Variants in TNIP3 observed in about 807,000 individuals in gnomAD.
TNIP3 encodes the protein TNFAIP3-interacting protein 3.
TNIP3 carries 34 observed loss-of-function variants against 54.1 expected under a neutral mutation model. That is an observed-to-expected ratio of 0.63 (90% CI 0.48 to 0.84). TNIP3 has a LOEUF of 0.84. Among genes scored for constraint, TNIP3 ranks in the 40% least tolerant of loss-of-function variants. TNIP3 has a pLI of 0.00. For synonymous variants in TNIP3, 134 were observed against 136.8 expected (o/e 0.98, Z 0.14); for missense variants, 366 against 387.6 (o/e 0.94, Z 0.47).
intron 1 of TNIP3, among the ~76,000 whole-genome samples, chr4:121,222,086 G>A (rs560312653): frequency 6.6e-6 from 1 of 152,276 alleles, no homozygotes; most frequent in South Asian, 2.1e-4. Context: ...AGCTAAGAGT[G>A]CTCCTAATAC....
Position 121,154,659 on chromosome 4 carries a change from A to G in TNIP3, c.384T>C (p.Asn128=). ...QREEKEKERL[N]EELHELKEEN... ...CTTCTTTCAATTCATGTAATTCTTC[A>G]TTTAGGCGTTCCTTTTCCTTCTGAA... is the stretch of plus-strand genomic sequence containing the variant. Residue 128 remains asparagine, a synonymous_variant, in exon 5 of 11, where the codon AAT becomes AAC. Transcript: ENST00000057513. 1 of 1,610,008 alleles carries G rather than the reference A, an allele frequency of 6.2e-7. No individual in the cohort carries two copies.
intron 3 of TNIP3, among the ~76,000 whole-genome samples, chr4:121,171,067 C>G (rs775987571): frequency 6.6e-6 from 1 of 152,122 alleles, no homozygotes; most frequent in African/African-American, 2.4e-5. Flanking sequence ...CTGCCCATCT[C>G]GGTCTCCCAA....
chr4:121,178,389 A>G (rs1724482730), intron 3 of TNIP3, among the ~76,000 whole-genome samples: 3 of 152,258 alleles, frequency 2.0e-5, no homozygotes, highest in African/African-American at 7.2e-5. Flanking sequence ...ACCCTCCGGC[A>G]AACACTGGAA....
intron 3 of TNIP3, among the ~76,000 whole-genome samples, chr4:121,172,315 G>C (rs1724016114): frequency 6.6e-6 from 1 of 152,202 alleles, no homozygotes; most frequent in Admixed American, 6.5e-5. Context: ...GTGGTTAACT[G>C]AGGGTTTGAG....
intron 6 of TNIP3, among the ~76,000 whole-genome samples, chr4:121,149,815 C>T (rs1374139034): frequency 6.6e-6 from 1 of 152,094 alleles, no homozygotes; most frequent in Non-Finnish European, 1.5e-5. Flanking sequence ...AGCCCCAGTG[C>T]TAATAGAACC....
chr4:121,201,300 C>A (rs6812515), intron 2 of TNIP3, among the ~76,000 whole-genome samples: 38,471 of 152,038 alleles, frequency 0.25, 5,183 homozygotes, highest in African/African-American at 0.34. Flanking sequence ...ACGTTCTATG[C>A]AAGATGGCGT....
chr4:121,166,440 T>A (rs975449338), upstream of TNIP3, among the ~76,000 whole-genome samples: 1 of 152,224 alleles, frequency 6.6e-6, no homozygotes, highest in Admixed American at 6.5e-5. Flanking sequence ...CCACATATTT[T>A]AAGAGTCTGG....
upstream of TNIP3, among the ~76,000 whole-genome samples, chr4:121,217,345 T>C (rs769092034): frequency 1.2e-4 from 19 of 152,184 alleles, no homozygotes; most frequent in Non-Finnish European, 2.8e-4. Flanking sequence ...TTCAAGCATT[T>C]CTGTTTAATT....
rs756288802 is a variant in TNIP3, at chr4:121,132,667, G to A, written c.947-5C>T. 6.2e-7 allele frequency: 1 copy of A among 1,608,904 alleles called. No individual in the cohort carries two copies. The highest frequency in any genetic ancestry group is 1.1e-5 in the South Asian group (1 of 90,900). ...CTTTCTTTACTGAGGATAAACCTAT[G>A]GAAAACAGTAGGAAAATGTTTTAGA... On this transcript the variant is annotated splice_region_variant and splice_polypyrimidine_tract_variant and intron_variant, in intron 10 of 10. Coordinates refer to ENST00000057513, the MANE Select transcript of TNIP3 (RefSeq NM_024873.6).
chr4:121,164,289 C>T lies in TNIP3; in HGVS notation c.-164G>A, dbSNP rs1730638999. On this transcript the variant is annotated 5_prime_UTR_variant, in exon 1 of 11. Transcript: ENST00000057513. ...GCAATAGGTTTTCATTAAAAATGAA[C>T]AGAAGTGACTGTGGATAGGAATTAC... 2.8e-6 allele frequency: 4 copies of T among 1,435,276 alleles called. No individual in the cohort carries two copies. The highest frequency in any genetic ancestry group is 1.4e-5 in the African/African-American group (1 of 69,780). 88.9% of individuals were successfully genotyped at this position (1,435,276 alleles called of 1,614,324 possible).
At chr4:121,209,367 G>A (rs1461783404) in intron 2 of TNIP3, among the ~76,000 whole-genome samples, 3 of 152,224 alleles carry the variant, frequency 2.0e-5, no homozygotes, top group Non-Finnish European at 4.4e-5. Context: ...ACTGGCCTCT[G>A]AAGTGTGGGC....
chr4:121,146,927 C>T, intron 7 of TNIP3, 122 bp downstream of exon 7: 1 of 1,029,392 alleles, frequency 9.7e-7, no homozygotes, highest in Non-Finnish European at 1.4e-6. Flanking sequence ...GACTTCATCC[C>T]AGGTGCTGAC....
upstream of TNIP3, among the ~76,000 whole-genome samples, chr4:121,218,541 CCTT>C: frequency 7.2e-6 from 1 of 138,822 alleles, no homozygotes; most frequent in African/African-American, 3.3e-5. Flanking sequence ...TCCCTCCCTT[CCTT>C]CCTTCCTTCT....
intron 10 of TNIP3, chr4:121,137,766 G>A (rs1021104597): frequency 3.1e-6 from 1 of 326,666 alleles, no homozygotes; most frequent in Middle Eastern, 1.1e-3. Context: ...TTTCAAGAAT[G>A]GCCTGAAATT....
At chr4:121,150,482 C>A (rs13137539) in intron 5 of TNIP3, among the ~76,000 whole-genome samples, 35,825 of 151,984 alleles carry the variant, frequency 0.24, 4,408 homozygotes, top group Middle Eastern at 0.29. Context: ...CCTCCTCCTC[C>A]ACCTAGCCAA....
intron 10 of TNIP3, among the ~76,000 whole-genome samples, chr4:121,133,644 G>C (rs1728609528): frequency 6.6e-6 from 1 of 152,218 alleles, no homozygotes; most frequent in South Asian, 2.1e-4. Context: ...TTTAGATGGA[G>C]AGAGGCTGTG....
rs1730261769 is a variant in TNIP3 at position 121,158,710 on chromosome 4, T to C, written c.190A>G (p.Met64Val). The C allele has an allele frequency of 6.2e-7, 1 of 1,612,852 alleles. No individual in the cohort carries two copies. The highest frequency in any genetic ancestry group is 8.5e-7 in the Non-Finnish European group (1 of 1,179,628). Residue 64 changes from methionine to valine, a missense_variant, in exon 3 of 11, where the codon ATG becomes GTG. Coordinates refer to ENST00000057513, the MANE Select transcript of TNIP3 (RefSeq NM_024873.6). ...NQQWDQQFRS[M>V]KELYERKVAE... ...ACCTTTCTTTCATATAACTCTTTCA[T>C]ACTTCTAAATTGCTGATCCCATTGC...
At chr4:121,171,557 C>G (rs1723940754) in intron 3 of TNIP3, among the ~76,000 whole-genome samples, 1 of 152,096 alleles carries the variant, frequency 6.6e-6, no homozygotes, top group African/African-American at 2.4e-5. Context: ...ACCAATAAAA[C>G]AAATTAGTAG....
At chr4:121,165,022 C>A (rs575983967), upstream of TNIP3, among the ~76,000 whole-genome samples, 1 of 151,482 alleles carries the variant, frequency 6.6e-6, no homozygotes, top group East Asian at 1.9e-4. Context: ...AAGTGAACTG[C>A]GATGGAACAG....
Sources: gnomAD v4.1 joint callset for allele counts (sites outside exome capture counted in the v4.1 genomes callset) on GRCh38, gnomAD v4.1.1 for gene constraint, MANE v1.5 for transcripts, NCBI Gene and HGNC (gene_info 2026-07-23, HGNC 2026-07-21) for gene names.